The following ARMH3 variants were observed in gnomAD, a reference collection of about 807,000 sequenced individuals.
ARMH3 encodes the protein armadillo-like helical domain-containing protein 3.
A neutral mutation model predicts 99.1 loss-of-function variants in ARMH3; 60 were observed. The observed-to-expected ratio is 0.61, with a 90% CI of 0.49 to 0.75. ARMH3 has a LOEUF of 0.75. Ranked by LOEUF, ARMH3 falls within the 30% of genes least tolerant of loss-of-function variation. The pLI, the probability that ARMH3 is intolerant of heterozygous loss-of-function variation, is 0.00. For missense variants in ARMH3, 679 were observed against 843.1 expected (o/e 0.81, Z 2.41); for synonymous variants, 285 against 292.8 (o/e 0.97, Z 0.27).
intron 24 of ARMH3, among the ~76,000 whole-genome samples, chr10:101,870,069 G>C (rs895407453): frequency 5.3e-5 from 8 of 152,050 alleles, no homozygotes; most frequent in African/African-American, 1.9e-4. Context: ...GAAAACCAAT[G>C]AAACTAAAAG....
At chr10:102,041,450 T>C (rs1047214354) in intron 1 of ARMH3, among the ~76,000 whole-genome samples, 2 of 152,144 alleles carry the variant, frequency 1.3e-5, no homozygotes, top group Non-Finnish European at 2.9e-5. Context: ...CTAATTTTGA[T>C]CAGTGACTTT....
intron 2 of ARMH3, among the ~76,000 whole-genome samples, chr10:102,033,778 A>G (rs1251510148): frequency 6.6e-6 from 1 of 152,240 alleles, no homozygotes; most frequent in Non-Finnish European, 1.5e-5. Flanking sequence ...AGAAGGGGAA[A>G]AAGAACACTT....
chr10:101,861,493 G>T (rs896421035), intron 24 of ARMH3, among the ~76,000 whole-genome samples: 2 of 152,184 alleles, frequency 1.3e-5, no homozygotes, highest in African/African-American at 2.4e-5. Context: ...AGCACTCTGG[G>T]AGGCTGAGGC....
At chr10:102,029,873 A>T (rs573895232) in intron 4 of ARMH3, 128 bp from the exon 5 acceptor site, 1 of 966,312 alleles carries the variant, frequency 1.0e-6, no homozygotes, top group African/African-American at 1.7e-5. Flanking sequence ...GAGCTCCAAA[A>T]CACAGTCTGA....
chr10:101,904,544 G>A (rs546872652), intron 23 of ARMH3, among the ~76,000 whole-genome samples: 1 of 152,184 alleles, frequency 6.6e-6, no homozygotes, highest in Admixed American at 6.5e-5. Context: ...TTACTTCAAA[G>A]TGGCTTTAGT....
intron 23 of ARMH3, among the ~76,000 whole-genome samples, chr10:101,894,052 G>A (rs906344600): frequency 6.6e-6 from 1 of 152,208 alleles, no homozygotes; most frequent in Admixed American, 6.5e-5. Flanking sequence ...CAGGCAGGCT[G>A]AGAAACTGTT....
intron 22 of ARMH3, among the ~76,000 whole-genome samples, chr10:101,943,071 C>T (rs993130747): frequency 6.6e-6 from 1 of 152,152 alleles, no homozygotes; most frequent in East Asian, 1.9e-4. Flanking sequence ...AGTTCCCACA[C>T]TGCAGGGTTG....
chr10:101,866,063 A>G (rs924638476), intron 24 of ARMH3, among the ~76,000 whole-genome samples: 14 of 151,860 alleles, frequency 9.2e-5, no homozygotes, highest in Admixed American at 2.0e-4. Flanking sequence ...TCTACTAAAA[A>G]TACAAAAATT....
intron 2 of ARMH3, 112 bp from the exon 3 acceptor site, chr10:102,033,451 G>A (rs967712589): frequency 7.7e-6 from 9 of 1,175,266 alleles, no homozygotes; most frequent in African/African-American, 3.1e-5. Context: ...ATGGAATCTC[G>A]CTGTCGCCCA....
chr10:102,032,561 C>T (rs1202178675), intron 4 of ARMH3, among the ~76,000 whole-genome samples: 2 of 152,032 alleles, frequency 1.3e-5, no homozygotes, highest in African/African-American at 4.8e-5. Flanking sequence ...CCACCATGCC[C>T]GGCTAATTTT....
intron 8 of ARMH3, among the ~76,000 whole-genome samples, chr10:102,022,870 G>A (rs770035374): frequency 6.2e-5 from 9 of 146,272 alleles, no homozygotes; most frequent in South Asian, 2.5e-4. Flanking sequence ...GTGAGCCACC[G>A]TGCCCGGCCG....
At chr10:101,910,388 T>G (rs1181400029) in intron 23 of ARMH3, among the ~76,000 whole-genome samples, 1 of 152,194 alleles carries the variant, frequency 6.6e-6, no homozygotes, top group Non-Finnish European at 1.5e-5. Flanking sequence ...TTGTGTTATT[T>G]GCCACCATTT....
chr10:102,000,784 A>T (rs985974535), intron 15 of ARMH3, among the ~76,000 whole-genome samples: 13 of 151,458 alleles, frequency 8.6e-5, no homozygotes, highest in Admixed American at 8.6e-4. Context: ...AAACAGAAAA[A>T]TAAAAAGTTC....
At chr10:101,985,180 GAA>G (rs1480046586) in intron 19 of ARMH3, among the ~76,000 whole-genome samples, 6 of 142,820 alleles carry the variant, frequency 4.2e-5, no homozygotes, top group African/African-American at 7.9e-5. Context: ...ACACATATAT[GAA>G]TATATATGTG....
chr10:101,860,241 TATATAG>T lies in ARMH3; in HGVS notation c.1861-10355_1861-10350del, dbSNP rs150682758. The stretch of plus-strand genomic sequence containing the variant: ...GAGAATGAAGTAGGTGGAGATGATA[TATATAG>T]ATATAGATATAGATATATAGATATA... On this transcript the variant is annotated intron_variant, in intron 24 of 25. Transcript: ENST00000370033. Among the ~76,000 whole-genome samples, 1,006 of 152,260 alleles carry T rather than the reference TATATAG, an allele frequency of 6.6e-3. 9 individuals are homozygous for T. The highest frequency in any genetic ancestry group is 0.03 in the East Asian group (157 of 5,184).
Position 101,982,008 on chromosome 10 carries a change from C to T in ARMH3, c.1407-6708G>A, listed in dbSNP as rs537285848. On this transcript the variant is annotated intron_variant, in intron 19 of 25. Coordinates refer to ENST00000370033, the MANE Select transcript of ARMH3 (RefSeq NM_024541.3). ...CTGCACTCCAGCCTGGGCGACAGAG[C>T]GAGACTCTATCTCAAAAAAAAAAAA... is the stretch of plus-strand genomic sequence containing the variant. 1.3e-3 allele frequency among the ~76,000 whole-genome samples: 150 copies of T among 117,346 alleles called. 2 individuals carry two copies. The highest frequency in any genetic ancestry group is 6.1e-3 in the South Asian group (22 of 3,598). The allele number at this position is 117,346 out of a possible 152,430, so 77.0% of individuals were successfully genotyped here.
chr10:101,918,207 C>T (rs1364469596), intron 23 of ARMH3, among the ~76,000 whole-genome samples: 2 of 152,152 alleles, frequency 1.3e-5, no homozygotes, highest in East Asian at 3.9e-4. Context: ...GTGTGCACCA[C>T]CACACCCAGC....
intron 8 of ARMH3, among the ~76,000 whole-genome samples, chr10:102,021,319 A>G (rs943672163): frequency 3.3e-5 from 5 of 151,820 alleles, no homozygotes; most frequent in Non-Finnish European, 5.9e-5. Flanking sequence ...GGCTCAAGCA[A>G]TCCACTAGCC....
intron 22 of ARMH3, among the ~76,000 whole-genome samples, chr10:101,955,721 T>G (rs1432356497): frequency 6.6e-6 from 1 of 152,176 alleles, no homozygotes; most frequent in Admixed American, 6.6e-5. Flanking sequence ...AATCAGTGGT[T>G]GCCCAGGGAT....
Sources: gnomAD v4.1 joint callset for allele counts (sites outside exome capture counted in the v4.1 genomes callset) on GRCh38, gnomAD v4.1.1 for gene constraint, MANE v1.5 for transcripts, NCBI Gene and HGNC (gene_info 2026-07-23, HGNC 2026-07-21) for gene names.